Variants in PCDH15 observed in about 807,000 individuals in gnomAD.
PCDH15 encodes the protein protocadherin-15.
Under a neutral mutation model 178.5 loss-of-function variants are expected in PCDH15, and 129 were observed. The observed-to-expected ratio is 0.72, with a 90% CI of 0.63 to 0.84. PCDH15 has a LOEUF of 0.84. PCDH15 is among the 40% of genes least tolerant of loss of function. PCDH15 has a pLI of 0.00. For synonymous variants in PCDH15, 800 were observed against 732.0 expected, an observed-to-expected ratio of 1.09 and a Z score of -1.50; for missense variants, 2,230 against 2,099.9, an observed-to-expected ratio of 1.06 and a Z score of -1.21.
intron 15 of PCDH15, among the ~76,000 whole-genome samples, chr10:54,111,126 T>G (rs941620609): frequency 6.6e-6 from 1 of 152,126 alleles, no homozygotes; most frequent in Non-Finnish European, 1.5e-5. Context: ...CTCAGAAAAA[T>G]TACAGCCTTT....
chr10:54,604,660 C>G (rs1248005602), intron 2 of PCDH15, among the ~76,000 whole-genome samples: 1 of 151,768 alleles, frequency 6.6e-6, no homozygotes, highest in Non-Finnish European at 1.5e-5. Flanking sequence ...TATGTGTGTC[C>G]TTAAATAGTT....
chr10:55,115,986 G>A (rs931821619), intron 2 of PCDH15, among the ~76,000 whole-genome samples: 1 of 151,416 alleles, frequency 6.6e-6, no homozygotes, highest in African/African-American at 2.4e-5. Flanking sequence ...AGTCCTACAG[G>A]TATCTACACC....
At chr10:54,343,029 A>C (rs1942545203) in intron 6 of PCDH15, among the ~76,000 whole-genome samples, 1 of 152,214 alleles carries the variant, frequency 6.6e-6, no homozygotes, top group Non-Finnish European at 1.5e-5. Flanking sequence ...CTTGTCTCAG[A>C]TGAAACTTTG....
At chr10:55,437,923 T>C (rs137908539) in intron 2 of PCDH15, among the ~76,000 whole-genome samples, 2,796 of 146,314 alleles carry the variant, frequency 0.019, 79 homozygotes, top group African/African-American at 0.067. Context: ...CCGCAACCTC[T>C]GCCTCCCGGG....
intron 3 of PCDH15, among the ~76,000 whole-genome samples, chr10:54,858,373 G>C (rs1184774109): frequency 1.3e-5 from 2 of 152,150 alleles, no homozygotes; most frequent in African/African-American, 2.4e-5. Flanking sequence ...AATGAACATG[G>C]TTGCTACTCC....
intron 1 of PCDH15, among the ~76,000 whole-genome samples, chr10:54,720,889 G>A (rs11004494): frequency 0.12 from 18,521 of 151,970 alleles, 1,255 homozygotes; most frequent in African/African-American, 0.17. Flanking sequence ...AGACCAAGTA[G>A]ACATAATAGG....
intron 2 of PCDH15, among the ~76,000 whole-genome samples, chr10:55,151,403 A>T (rs561685469): frequency 6.6e-6 from 1 of 152,206 alleles, no homozygotes; most frequent in South Asian, 2.1e-4. Context: ...AAGTGACTTT[A>T]TATATGAAAG....
chr10:55,549,006 G>A (rs1457889426), intron 2 of PCDH15, among the ~76,000 whole-genome samples: 1 of 152,078 alleles, frequency 6.6e-6, no homozygotes, highest in Admixed American at 6.6e-5. Context: ...TAGTACCAAA[G>A]CAGCCACAAA....
chr10:55,455,444 T>C (rs1839529145), intron 2 of PCDH15, among the ~76,000 whole-genome samples: 1 of 152,130 alleles, frequency 6.6e-6, no homozygotes, highest in Admixed American at 6.6e-5. Flanking sequence ...ATCCTTAATA[T>C]GACACTAAAA....
chr10:55,575,417 A>C (rs549524898), intron 2 of PCDH15, among the ~76,000 whole-genome samples: 1 of 152,262 alleles, frequency 6.6e-6, no homozygotes, highest in East Asian at 1.9e-4. Flanking sequence ...GTTTTTTCAA[A>C]AGTCTATTTT....
At chr10:53,998,779 C>G (rs978412515) in intron 20 of PCDH15, among the ~76,000 whole-genome samples, 1 of 151,856 alleles carries the variant, frequency 6.6e-6, no homozygotes, top group Non-Finnish European at 1.5e-5. Flanking sequence ...AGGCTGGGCA[C>G]GGTGGCTCGC....
chr10:54,449,614 G>T (rs548793157), intron 3 of PCDH15, among the ~76,000 whole-genome samples: 1 of 151,750 alleles, frequency 6.6e-6, no homozygotes, highest in East Asian at 1.9e-4. Context: ...TTTTGAGAAA[G>T]ATTCTAATAA....
rs183569842 is a variant in PCDH15 at position 54,301,102 on chromosome 10, G to T, written c.876+16169C>A. Among the ~76,000 whole-genome samples the T allele has an allele frequency of 2.3e-3, 300 of 128,532 alleles. 1 individual carries two copies. The highest frequency in any genetic ancestry group is 4.4e-3 in the Admixed American group (58 of 13,038). 84.3% of individuals were successfully genotyped at this position (128,532 alleles called of 152,430 possible). The stretch of plus-strand genomic sequence containing the variant: ...CTGCAGACACATCTGAACATCCAAA[G>T]GAAGAAACTCCAGACAGACCATCTT... On this transcript the variant is annotated intron_variant, in intron 8 of 37. Coordinates refer to ENST00000644397, the MANE Select transcript of PCDH15 (RefSeq NM_001384140.1).
At chr10:55,336,870 CT>C (rs1297163498) in intron 2 of PCDH15, among the ~76,000 whole-genome samples, 1 of 152,122 alleles carries the variant, frequency 6.6e-6, no homozygotes, top group Non-Finnish European at 1.5e-5. Flanking sequence ...TGTTAATCTG[CT>C]TTTTGTTATA....
rs574307761 is a variant in PCDH15 at position 54,108,680 on chromosome 10, C to T, written c.1918-18617G>A. On this transcript the variant is annotated intron_variant, in intron 15 of 37. Coordinates refer to ENST00000644397, the MANE Select transcript of PCDH15 (RefSeq NM_001384140.1). The stretch of plus-strand genomic sequence containing the variant: ...TGGAGCAGCTAAGGGAGTGCTTGTG[C>T]AACCCCTCCCTCAACCCCAGGCAGC... Among the ~76,000 whole-genome samples the T allele has an allele frequency of 2.6e-5, 4 of 152,230 alleles. No homozygotes were observed. The South Asian group carries it at 8.3e-4, about 32-fold the overall frequency.
At chr10:55,018,074 T>G (rs1034759638) in intron 2 of PCDH15, among the ~76,000 whole-genome samples, 7 of 152,088 alleles carry the variant, frequency 4.6e-5, no homozygotes, top group Non-Finnish European at 1.0e-4. Context: ...TGAATGTTAT[T>G]TTCAAATAAA....
Position 54,427,839 on chromosome 10 carries a change from T to C in PCDH15, c.158-48897A>G, listed in dbSNP as rs1956482898. On this transcript the variant is annotated intron_variant, in intron 3 of 37. Transcript: ENST00000644397. ...AGTTATTCAAATATTTCAGCATAAA[T>C]TCCCTTTCCTTGAAATTGCAATCGT... 2.0e-5 allele frequency among the ~76,000 whole-genome samples: 3 copies of C among 152,156 alleles called. No individual in the cohort carries two copies. In the South Asian group the frequency reaches 6.2e-4, roughly 31 times the overall value.
At chr10:54,381,161 T>C (rs992373689) in intron 3 of PCDH15, among the ~76,000 whole-genome samples, 1 of 151,974 alleles carries the variant, frequency 6.6e-6, no homozygotes, top group Non-Finnish European at 1.5e-5. Context: ...GCAGACATGA[T>C]ACAAGGAGCA....
At chr10:54,494,610 T>G (rs2079934598) in intron 3 of PCDH15, among the ~76,000 whole-genome samples, 1 of 152,088 alleles carries the variant, frequency 6.6e-6, no homozygotes, top group Admixed American at 6.6e-5. Context: ...ATGCCACCCT[T>G]TCATGCCACA....
Sources: allele counts gnomAD v4.1 joint callset (sites outside exome capture counted in the v4.1 genomes callset), GRCh38; gene constraint gnomAD v4.1.1; transcripts MANE v1.5; gene names NCBI Gene and HGNC (gene_info 2026-07-23, HGNC 2026-07-21).